TIAM1: variants seen among roughly 807,000 people sequenced by gnomAD.
TIAM1 encodes TIAM Rac1 associated GEF 1, also known as rho guanine nucleotide exchange factor TIAM1.
In TIAM1, 65 loss-of-function variants were observed where a neutral mutation model predicts 163.5. The observed-to-expected ratio is 0.40, with a 90% CI of 0.33 to 0.49. The LOEUF (loss-of-function observed/expected upper bound fraction) is 0.49, where lower values mean the gene tolerates loss of function less well. Among genes scored for constraint, TIAM1 ranks in the 20% least tolerant of loss-of-function variants. The pLI is 0.77. For synonymous variants in TIAM1, 833 were observed against 810.1 expected, an observed-to-expected ratio of 1.03 and a Z score of -0.48; for missense variants, 1,789 against 2,044.7, an observed-to-expected ratio of 0.87 and a Z score of 2.41.
chr21:31,264,476 T>C (rs1389794795), intron 4 of TIAM1, among the ~76,000 whole-genome samples: 1 of 152,232 alleles, frequency 6.6e-6, no homozygotes, highest in Non-Finnish European at 1.5e-5. Context: ...TATTTCATTC[T>C]ACTTTCTCAA....
intron 2 of TIAM1, among the ~76,000 whole-genome samples, chr21:31,404,233 AC>A (rs2077211366): frequency 6.6e-6 from 1 of 152,216 alleles, no homozygotes; most frequent in African/African-American, 2.4e-5. Context: ...TGAAAAGGCA[AC>A]AAAAAAGTGA....
At chr21:31,278,382 T>G (rs1483382192) in intron 2 of TIAM1, among the ~76,000 whole-genome samples, 2 of 152,200 alleles carry the variant, frequency 1.3e-5, no homozygotes, top group East Asian at 3.9e-4. Context: ...ATTTCCTTCA[T>G]CTTTTTAAAG....
chr21:31,346,326 C>T (rs1447750150), upstream of TIAM1, among the ~76,000 whole-genome samples: 1 of 152,170 alleles, frequency 6.6e-6, no homozygotes, highest in Non-Finnish European at 1.5e-5. Flanking sequence ...CATGAAACAA[C>T]ACTTCTCCTT....
At chr21:31,558,120 C>A (rs1326912603) in intron 1 of TIAM1, among the ~76,000 whole-genome samples, 3 of 152,148 alleles carry the variant, frequency 2.0e-5, no homozygotes, top group Non-Finnish European at 4.4e-5. Flanking sequence ...CGCCCAATGG[C>A]GAGGTCTGTA....
chr21:31,480,045 T>C (rs146719245), intron 1 of TIAM1, among the ~76,000 whole-genome samples: 57 of 152,334 alleles, frequency 3.7e-4, no homozygotes, highest in African/African-American at 1.3e-3. Context: ...AGCTATGCAT[T>C]TTAGCTCTTG....
At chr21:31,264,037 AGG>A (rs1414518106) in intron 4 of TIAM1, among the ~76,000 whole-genome samples, 1 of 152,206 alleles carries the variant, frequency 6.6e-6, no homozygotes, top group Non-Finnish European at 1.5e-5. Flanking sequence ...TTTAAAATTC[AGG>A]GAGTGCATCT....
At chr21:31,144,830 G>GAAAAAAAAAAAAAAAAAAAAAAA (rs764835303) in intron 20 of TIAM1, among the ~76,000 whole-genome samples, 2 of 74,512 alleles carry the variant, frequency 2.7e-5, no homozygotes, top group African/African-American at 1.1e-4. Context: ...CTCCATCTCA[G>GAAAAAAAAAAAAAAAAAAAAAAA]AAAAAAAAAA....
At chr21:31,390,937 G>T (rs7281279) in intron 2 of TIAM1, among the ~76,000 whole-genome samples, 41,931 of 151,940 alleles carry the variant, frequency 0.28, 6,128 homozygotes, top group Middle Eastern at 0.48. Context: ...ACCTGGGCAC[G>T]CACATCAAAG....
intron 2 of TIAM1, among the ~76,000 whole-genome samples, chr21:31,349,658 G>A (rs957244694): frequency 2.2e-4 from 33 of 152,182 alleles, no homozygotes; most frequent in Non-Finnish European, 4.9e-4. Flanking sequence ...TTTCTTCAAA[G>A]AATGCCAGGA....
At chr21:31,130,402 C>T (rs1238610155) in intron 24 of TIAM1, 87 bp from the exon 25 acceptor site, 1 of 1,067,170 alleles carries the variant, frequency 9.4e-7, no homozygotes, top group Non-Finnish European at 1.5e-6. Flanking sequence ...GCGACAGACT[C>T]TCACGCAGTA....
chr21:31,315,208 T>C (rs1244906732), intron 2 of TIAM1, among the ~76,000 whole-genome samples: 1 of 151,956 alleles, frequency 6.6e-6, no homozygotes, highest in Non-Finnish European at 1.5e-5. Context: ...CCATCTCTAC[T>C]AAATACAAAA....
At chr21:31,423,600 T>A (rs975420916) in intron 2 of TIAM1, among the ~76,000 whole-genome samples, 3 of 150,232 alleles carry the variant, frequency 2.0e-5, no homozygotes, top group Non-Finnish European at 4.4e-5. Flanking sequence ...GGGCTGTGTC[T>A]GCTATTTACT....
At position 31,251,903 on chromosome 21, in the gene TIAM1, A is replaced by T; in HGVS notation, c.1250T>A (p.Leu417Gln). Residue 417 changes from leucine to glutamine, a missense_variant, in exon 5 of 28, where the codon CTG becomes CAG. Leu to Gln is a moderately radical substitution (Grantham distance 113). Around this residue, in one of 5 missense-constraint regions of TIAM1, gnomAD observed 555 missense variants for 564.9 expected, o/e 0.98. Coordinates refer to ENST00000541036, the MANE Select transcript of TIAM1 (RefSeq NM_001353694.2). Reference protein sequence around the residue: ...AHSDEQSSGTLSSPGQSDILL... With the variant: ...AHSDEQSSGTQSSPGQSDILL... ...GATGTCCGACTGGCCCGGAGAGCTC[A>T]GGGTGCCGCTGCTCTGCTCATCGCT... 1.9e-6 allele frequency: 3 copies of T among 1,613,818 alleles called. 1 individual carries two copies. Among genetic ancestry groups the T allele is most frequent in the Non-Finnish European group, 2.5e-6 (3 of 1,179,906 alleles).
At chr21:31,422,026 T>TA (rs369075096) in intron 2 of TIAM1, among the ~76,000 whole-genome samples, 221 of 151,590 alleles carry the variant, frequency 1.5e-3, no homozygotes, top group African/African-American at 4.9e-3. Flanking sequence ...ACCCTGTCTC[T>TA]AAAAAAAACA....
intron 6 of TIAM1, among the ~76,000 whole-genome samples, chr21:31,231,201 G>A (rs773789210): frequency 7.9e-5 from 12 of 152,160 alleles, no homozygotes; most frequent in African/African-American, 2.9e-4. Flanking sequence ...GTACGGCTCT[G>A]GAGCCAGCCT....
intron 1 of TIAM1, among the ~76,000 whole-genome samples, chr21:31,508,387 CTTTTTTTT>C (rs200164021): frequency 7.9e-6 from 1 of 126,560 alleles, no homozygotes; most frequent in Non-Finnish European, 1.7e-5. Flanking sequence ...ATTGAAATTT[CTTTTTTTT>C]TTTTTTTTTT....
Position 31,120,689 on chromosome 21 carries a change from C to G in TIAM1, c.4455G>C (p.Glu1485Asp). 1.2e-6 allele frequency: 2 copies of G among 1,614,096 alleles called. No homozygotes were observed. The highest frequency in any genetic ancestry group is 4.5e-5 in the East Asian group (2 of 44,818). Residue 1485 changes from glutamate (E) to aspartate (D), a missense_variant, in exon 28 of 28, where the codon GAG (glutamate) becomes GAC (aspartate). Glu to Asp is a conservative substitution (Grantham distance 45). Around this residue, in one of 5 missense-constraint regions of TIAM1, gnomAD observed 415 missense variants for 439.2 expected, o/e 0.94. Transcript: ENST00000541036. The surrounding 1 kb of genome is among the most constrained non-coding windows in gnomAD (Gnocchi z 4.2). ...CATACTGAGCAAGATCAAACTGCTC[C>G]TCTACCCATCGGTCAGTGTCCCCAC... ...PGGGDTDRWV[E>D]EQFDLAQYEE... is the part of the protein sequence containing the mutation.
chr21:31,190,246 AT>A (rs531301913), intron 13 of TIAM1, among the ~76,000 whole-genome samples: 2 of 151,976 alleles, frequency 1.3e-5, no homozygotes, highest in African/African-American at 4.8e-5. Flanking sequence ...TCTCTACAAA[AT>A]TTTTTTTAAA....
chr21:31,424,256 T>G (rs1473322051), intron 2 of TIAM1, among the ~76,000 whole-genome samples: 2 of 152,198 alleles, frequency 1.3e-5, no homozygotes, highest in Non-Finnish European at 1.5e-5. Flanking sequence ...TGCTCATTTC[T>G]AAAGAAATAA....
Sources: gnomAD v4.1 joint callset for allele counts (sites outside exome capture counted in the v4.1 genomes callset) on GRCh38, gnomAD v4.1.1 for gene constraint, gnomAD v4.1.1 regional missense constraint, Gnocchi (gnomAD v3.1) non-coding constraint, MANE v1.5 for transcripts, NCBI Gene and HGNC (gene_info 2026-07-23, HGNC 2026-07-21) for gene names.